Variants in IGSF9 observed in about 807,000 individuals in gnomAD.
The protein encoded by IGSF9 is immunoglobulin superfamily member 9, also known as protein turtle homolog A.
A neutral mutation model predicts 121.7 loss-of-function variants in IGSF9; 87 were observed. The ratio of observed to expected loss-of-function variants is 0.71; its 90% CI spans 0.60 to 0.85. IGSF9 has a LOEUF of 0.85. IGSF9 is among the 40% of genes least tolerant of loss of function. The pLI is 0.00. For missense variants in IGSF9, 1,462 were observed against 1,565.3 expected (o/e 0.93, Z 1.11); for synonymous variants, 640 against 648.4 (o/e 0.99, Z 0.20).
intron 15 of IGSF9, 37 bp from the exon 16 acceptor site, chr1:159,930,012 G>T (rs1162730983): frequency 3.2e-6 from 5 of 1,583,572 alleles, no homozygotes; most frequent in Non-Finnish European, 4.3e-6. Context: ...GGAGGTCAGG[G>T]CCCAGCACCG....
At position 159,934,474 on chromosome 1, in the gene IGSF9, G is replaced by C; in HGVS notation, c.912C>G (p.Ser304Arg). The C allele has an allele frequency of 6.2e-7, 1 of 1,606,984 alleles. No individual in the cohort carries two copies. The highest frequency in any genetic ancestry group is 8.5e-7 in the Non-Finnish European group (1 of 1,176,764). The change falls in exon 8 of 21, where the codon AGC becomes AGG. Residue 304 changes from serine to arginine, a missense_variant. Physicochemically the swap from Ser to Arg is moderately radical, Grantham distance 110. Transcript: ENST00000368094. ...CTGAGGGTGGATGCAGGAGGCCATT[G>C]CTGGGCACACAGGTGTAGCAGCCGG... ...DDAGCYTCVPSNGLLHPPSAS... is the reference protein window; with the variant it reads ...DDAGCYTCVPRNGLLHPPSAS...
At chr1:159,929,287 A>G in intron 18 of IGSF9, 64 bp downstream of exon 18, 1 of 1,560,370 alleles carries the variant, frequency 6.4e-7, no homozygotes, top group Non-Finnish European at 8.8e-7. Context: ...CAAAAAAGGA[A>G]GCAGAAGATA....
Position 159,927,132 on chromosome 1 carries a change from G to GAGAGT in IGSF9, c.*212_*213insACTCT. 2 of 408,772 alleles carry GAGAGT rather than the reference G, an allele frequency of 4.9e-6. No individual in the cohort carries two copies. Among genetic ancestry groups the GAGAGT allele is most frequent in the Non-Finnish European group, 4.2e-6 (1 of 238,720 alleles). 25.3% of individuals were successfully genotyped at this position (408,772 alleles called of 1,614,324 possible). ...GAGAGAGAGAGAGAGAGAGAGAGAG[G>GAGAGT]CAGACCTAAGATCCCTGTTCCAATC... On this transcript the variant is annotated 3_prime_UTR_variant, in exon 21 of 21. Coordinates refer to ENST00000368094, the MANE Select transcript of IGSF9 (RefSeq NM_001135050.2).
chr1:159,930,870 G>A lies in IGSF9; in HGVS notation c.1638-3C>T. The A allele has an allele frequency of 6.3e-7, 1 of 1,598,960 alleles. No individual in the cohort carries two copies. The highest frequency in any genetic ancestry group is 8.5e-7 in the Non-Finnish European group (1 of 1,172,242). On this transcript the variant is annotated splice_polypyrimidine_tract_variant and splice_region_variant and intron_variant, in intron 13 of 20. Transcript: ENST00000368094. ...GCATTCGGTCAGGACGCTTGGCCCT[G>A]GGAGACATGAGGACATGGGGGGCAC...
intron 20 of IGSF9, 57 bp downstream of exon 20, chr1:159,927,703 C>T (rs781000516): frequency 8.2e-6 from 13 of 1,590,548 alleles, no homozygotes; most frequent in African/African-American, 5.4e-5. Flanking sequence ...CCTAAGGTGG[C>T]GGGGGGATGT....
At chr1:159,936,287 C>G in intron 6 of IGSF9, 112 bp downstream of exon 6, 1 of 938,912 alleles carries the variant, frequency 1.1e-6, no homozygotes, top group Non-Finnish European at 1.7e-6. Flanking sequence ...TTCCACGGGC[C>G]CTGCCCTCAG....
chr1:159,927,667 C>A, intron 20 of IGSF9, 93 bp downstream of exon 20: 1 of 1,551,950 alleles, frequency 6.4e-7, no homozygotes, highest in Non-Finnish European at 8.7e-7. Flanking sequence ...GCCTGGGAGG[C>A]AGGGCCTGAC....
rs941143213 is a variant in IGSF9 at position 159,927,410 on chromosome 1, T to C, written c.3475A>G (p.Thr1159Ala). The change falls in exon 21 of 21, where the codon ACT becomes GCT. Residue 1159 changes from threonine (T) to alanine (A), a missense_variant. Around this residue, in one of 3 missense-constraint regions of IGSF9, gnomAD observed 808 missense variants for 815.2 expected, o/e 0.99. Coordinates refer to ENST00000368094, the MANE Select transcript of IGSF9 (RefSeq NM_001135050.2). ...FLAFRRRRDA[T>A]RARLPAYRQP... ...CGATAGGCTGGTAGCCGAGCCCTAGTAGCATCTCGGCGGCGGCGGAAGGCC... is the reference window on the plus strand; with the variant it reads ...CGATAGGCTGGTAGCCGAGCCCTAGCAGCATCTCGGCGGCGGCGGAAGGCC... 5.0e-6 allele frequency: 8 copies of C among 1,613,946 alleles called. No individual in the cohort carries two copies. In the African/African-American group the frequency reaches 5.3e-5, roughly 11 times the overall value.
rs756775714 is a variant in IGSF9, at chr1:159,927,334, A to T, written c.*11T>A. ...TCCATATGCCTTTTCACAGCCTCAC[A>T]TCAGGGATGTTCACAGCAGAGTGGC... is the stretch of plus-strand genomic sequence containing the variant. On this transcript the variant is annotated 3_prime_UTR_variant, in exon 21 of 21. Transcript: ENST00000368094. 1 of 1,613,156 alleles carries T rather than the reference A, an allele frequency of 6.2e-7. No individual in the cohort carries two copies. The highest frequency in any genetic ancestry group is 8.5e-7 in the Non-Finnish European group (1 of 1,180,002).
chr1:159,931,426 C>T lies in IGSF9; in HGVS notation c.1513+27G>A, dbSNP rs749624653. The T allele has an allele frequency of 5.0e-6, 8 of 1,607,538 alleles. No homozygotes were observed. In the African/African-American group the frequency reaches 6.7e-5, roughly 13 times the overall value. On this transcript the variant is annotated intron_variant, in intron 12 of 20. Coordinates refer to ENST00000368094, the MANE Select transcript of IGSF9 (RefSeq NM_001135050.2). This position sits in a 1 kb window ranked among gnomAD's most constrained non-coding sequence, Gnocchi z 4.8. ...ACGATTCCCAAGTAGTTTCTCCCAG[C>T]CCCTGGCCCTCTCTCCAGCCACTAA...
At chr1:159,943,365 AG>A in intron 2 of IGSF9, 31 bp downstream of exon 2, 1 of 1,533,998 alleles carries the variant, frequency 6.5e-7, no homozygotes, top group African/African-American at 1.4e-5. Context: ...CAAGGCTAAC[AG>A]GGCATTCTTG....
chr1:159,932,499 C>T lies in IGSF9; in HGVS notation c.1245+13G>A, dbSNP rs370392530. On this transcript the variant is annotated intron_variant, in intron 10 of 20. Transcript: ENST00000368094. The surrounding 1 kb of genome is among the most constrained non-coding windows in gnomAD (Gnocchi z 4.1). ...CACTGTCACCACAGGCCCCCGCCCA[C>T]CCCCGGCCTAACCTTGAGCAGCACG... 43 of 1,613,290 alleles carry T rather than the reference C, an allele frequency of 2.7e-5. No homozygotes were observed. The African/African-American group carries it at 5.2e-4, about 20-fold the overall frequency.
At chr1:159,936,982 A>AC in intron 4 of IGSF9, 74 bp from the exon 5 acceptor site, 1 of 1,475,626 alleles carries the variant, frequency 6.8e-7, no homozygotes, top group Non-Finnish European at 9.4e-7. Flanking sequence ...GGCCAGGGAG[A>AC]CCACTCAGGG....
In IGSF9 at chr1:159,931,071, T is replaced by C. The variant is rs1314156283; in HGVS notation, c.1637+67A>G. The C allele has an allele frequency of 6.2e-6, 10 of 1,606,656 alleles. No individual in the cohort carries two copies. In the South Asian group the frequency reaches 7.7e-5, roughly 12 times the overall value. On this transcript the variant is annotated intron_variant, in intron 13 of 20. Coordinates refer to ENST00000368094, the MANE Select transcript of IGSF9 (RefSeq NM_001135050.2). This position sits in a 1 kb window ranked among gnomAD's most constrained non-coding sequence, Gnocchi z 4.8. ...ACAGAAGAAAGGGCAGAAGGCCAGA[T>C]AGGTTCAAGGAGGAGAGGAAAGGAG...
chr1:159,945,270 A>G (rs112897167), intron 1 of IGSF9, among the ~76,000 whole-genome samples: 23 of 150,224 alleles, frequency 1.5e-4, no homozygotes, highest in Non-Finnish European at 1.5e-4. Flanking sequence ...TCAGCCCACA[A>G]TACAATTCTG....
chr1:159,936,383 T>C lies in IGSF9; in HGVS notation c.673+16A>G, dbSNP rs200489489. 1 of 1,609,390 alleles carries C rather than the reference T, an allele frequency of 6.2e-7. No homozygotes were observed. The highest frequency in any genetic ancestry group is 2.2e-5 in the East Asian group (1 of 44,836). ...CATAGGTAACCCTGGACCCCAGCCC[T>C]CCCGCCAGAGAGCACCTAGCACTAG... On this transcript the variant is annotated intron_variant, in intron 6 of 20. Coordinates refer to ENST00000368094, the MANE Select transcript of IGSF9 (RefSeq NM_001135050.2).
In IGSF9 at chr1:159,943,424, T is replaced by C. The variant is rs994013479; in HGVS notation, c.31A>G (p.Ser11Gly). MVWCLGLAVL[S>G]LVISQGADGR... ...TCAGCCCCCTGGCTGATGACCAGGC[T>C]GAGGACGGCCAGGCCGAGGCACCAC... The change falls in exon 2 of 21, where the codon AGC (serine) becomes GGC (glycine). Residue 11 changes from serine (S) to glycine (G), a missense_variant. By Grantham distance (56) the Ser-to-Gly change is moderately conservative (BLOSUM62 0). This residue lies in a region of IGSF9 where 558 missense variants were observed against 599.4 expected (regional missense o/e 0.93). Coordinates refer to ENST00000368094, the MANE Select transcript of IGSF9 (RefSeq NM_001135050.2). 1.3e-6 allele frequency: 2 copies of C among 1,589,466 alleles called. No homozygotes were observed. Among genetic ancestry groups the C allele is most frequent in the African/African-American group, 1.3e-5 (1 of 74,596 alleles).
Position 159,931,459 on chromosome 1 carries a change from C to T in IGSF9, c.1507G>A (p.Val503Met). 3 of 1,613,628 alleles carry T rather than the reference C, an allele frequency of 1.9e-6. No individual in the cohort carries two copies. Among genetic ancestry groups the T allele is most frequent in the South Asian group, 1.1e-5 (1 of 91,064 alleles). ...CCTCTCTCCAGCCACTAACCCAGCA[C>T]GTAGACGTTCGTGGAGGTGGCCACT... ...ARVATSTNVY[V>M]LGTSPHVVTN... Residue 503 changes from valine to methionine, a missense_variant, in exon 12 of 21, where the codon GTG (valine) becomes ATG (methionine). By Grantham distance (21) the Val-to-Met change is conservative. Transcript: ENST00000368094. This position sits in a 1 kb window ranked among gnomAD's most constrained non-coding sequence, Gnocchi z 4.8.
At chr1:159,930,620 C>T in intron 14 of IGSF9, 72 bp downstream of exon 14, 1 of 1,596,520 alleles carries the variant, frequency 6.3e-7, no homozygotes, top group Non-Finnish European at 8.6e-7. Flanking sequence ...CCCAGGGCCT[C>T]CCATATCCCA....
Sources: allele counts gnomAD v4.1 joint callset (sites outside exome capture counted in the v4.1 genomes callset), GRCh38; gene constraint gnomAD v4.1.1; regional missense constraint gnomAD v4.1.1; non-coding constraint Gnocchi (gnomAD v3.1); transcripts MANE v1.5; gene names NCBI Gene and HGNC (gene_info 2026-07-23, HGNC 2026-07-21).